Variants in DOCK8 observed in about 807,000 individuals in gnomAD.
DOCK8 encodes dedicator of cytokinesis 8, also known as dedicator of cytokinesis protein 8.
A neutral mutation model predicts 245.6 loss-of-function variants in DOCK8; 141 were observed. That is an observed-to-expected ratio of 0.57 (90% confidence interval 0.50 to 0.66). DOCK8 has a LOEUF of 0.66. DOCK8 is among the 30% of genes least tolerant of loss of function. DOCK8 has a pLI of 0.00. For missense variants in DOCK8, 2,965 were observed against 2,603.4 expected (o/e 1.14, Z -3.02); for synonymous variants, 1,168 against 970.2 (o/e 1.20, Z -3.79).
intron 40 of DOCK8, among the ~76,000 whole-genome samples, chr9:439,766 AG>A (rs2057027794): frequency 6.6e-6 from 1 of 152,058 alleles, no homozygotes; most frequent in Admixed American, 6.6e-5. Flanking sequence ...CCTCTCAGAG[AG>A]AAAAAAATTA....
chr9:286,813 GT>G (rs1228486739), intron 3 of DOCK8, among the ~76,000 whole-genome samples, 177 bp downstream of exon 3: 1 of 152,150 alleles, frequency 6.6e-6, no homozygotes, highest in Non-Finnish European at 1.5e-5. Flanking sequence ...TTTTAAATTA[GT>G]TTGGCCAGAG....
chr9:279,033 G>A (rs529470125), intron 2 of DOCK8, among the ~76,000 whole-genome samples: 2 of 152,292 alleles, frequency 1.3e-5, no homozygotes, highest in South Asian at 4.1e-4. Context: ...CGAGGGTGGT[G>A]GCAGAAGAGA....
chr9:215,343 GA>G (rs766210437), intron 1 of DOCK8: 5 of 1,602,738 alleles, frequency 3.1e-6, no homozygotes, highest in Admixed American at 1.7e-5. Context: ...CCGGGTCCCA[GA>G]AGGGTGATAG....
chr9:400,832 A>G (rs1035296687), intron 26 of DOCK8, among the ~76,000 whole-genome samples: 1 of 62,744 alleles, frequency 1.6e-5, no homozygotes, highest in Non-Finnish European at 2.7e-5. Context: ...CACCATCACC[A>G]TCACCACCAC....
At position 304,688 on chromosome 9, in the gene DOCK8, G is replaced by C; in HGVS notation, c.512G>C (p.Ser171Thr). The C allele has an allele frequency of 6.2e-7, 1 of 1,614,170 alleles. No homozygotes were observed. The highest frequency in any genetic ancestry group is 2.2e-5 in the East Asian group (1 of 44,874). ...TTTGAGTCGGAAACCTTGGAGTGCA[G>C]TGAACCCGCTGCTCAGGTATTTCCT... ...QTFESETLEC[S>T]EPAAQAGPRH... Residue 171 changes from serine (S) to threonine (T), a missense_variant, in exon 5 of 48, where the codon AGT (serine) becomes ACT (threonine). Physicochemically the swap from Ser to Thr is moderately conservative, Grantham distance 58 (BLOSUM62 1). Around this residue, in one of 3 missense-constraint regions of DOCK8, gnomAD observed 2,825 missense variants for 2,453.5 expected, o/e 1.15. Coordinates refer to ENST00000432829, the MANE Select transcript of DOCK8 (RefSeq NM_203447.4).
chr9:308,170 T>A (rs929408725), intron 5 of DOCK8, among the ~76,000 whole-genome samples: 27 of 152,330 alleles, frequency 1.8e-4, no homozygotes, highest in African/African-American at 6.3e-4. Flanking sequence ...AATAATAATT[T>A]ATTCTGTGTT....
chr9:276,805 CATTT>C (rs541660345), intron 2 of DOCK8, among the ~76,000 whole-genome samples: 3 of 152,028 alleles, frequency 2.0e-5, no homozygotes, highest in Admixed American at 1.3e-4. Flanking sequence ...ATTGTCTTTT[CATTT>C]ATTTATTTAT....
At chr9:386,555 C>A in intron 23 of DOCK8, 129 bp downstream of exon 23, 1 of 764,668 alleles carries the variant, frequency 1.3e-6, no homozygotes, top group Non-Finnish European at 2.2e-6. Context: ...CACACACACA[C>A]CCCACACACA....
At position 230,493 on chromosome 9, in the gene DOCK8, T is replaced by C. The variant is rs188665629; in HGVS notation, c.53+15464T>C. Among the ~76,000 whole-genome samples, 357 of 152,216 alleles carry C rather than the reference T, an allele frequency of 2.3e-3. 1 individual carries two copies. Among genetic ancestry groups the C allele is most frequent in the Non-Finnish European group, 3.5e-3 (237 of 68,008 alleles). ...ATCGCCACACTGACTTCCACAATGG[T>C]TGAATTAGTTTACAGTCCCACCAAC... On this transcript the variant is annotated intron_variant, in intron 1 of 47. Transcript: ENST00000432829.
At position 457,309 on chromosome 9, in the gene DOCK8, C is replaced by T. The variant is rs564369109; in HGVS notation, c.6068+5192C>T. 7.2e-5 allele frequency among the ~76,000 whole-genome samples: 11 copies of T among 152,296 alleles called. No homozygotes were observed. The South Asian group carries it at 1.7e-3, about 23-fold the overall frequency. On this transcript the variant is annotated intron_variant, in intron 46 of 47. Coordinates refer to ENST00000432829, the MANE Select transcript of DOCK8 (RefSeq NM_203447.4). ...GTGACCCTGAGAAGTTACCTACCCT[C>T]GGTTTCCCCAGATGTAAAATCGGAA... is the stretch of plus-strand genomic sequence containing the variant.
chr9:416,882 G>A (rs962595095), intron 29 of DOCK8, among the ~76,000 whole-genome samples: 2 of 152,228 alleles, frequency 1.3e-5, no homozygotes, highest in Non-Finnish European at 2.9e-5. Context: ...CAATTAAGGG[G>A]AAATAAGAAT....
intron 26 of DOCK8, among the ~76,000 whole-genome samples, chr9:400,599 CCAT>C (rs1448459673): frequency 1.0e-4 from 9 of 87,478 alleles, no homozygotes; most frequent in Admixed American, 2.3e-4. Flanking sequence ...ACCACCTCCA[CCAT>C]CACCACCACC....
In DOCK8 at chr9:434,662, T is replaced by C. The variant is rs547330574; in HGVS notation, c.4887-121T>C. The C allele has an allele frequency of 6.4e-4, 631 of 985,246 alleles. 1 individual carries two copies. Among genetic ancestry groups the C allele is most frequent in the Non-Finnish European group, 8.6e-4 (556 of 644,566 alleles). 61.0% of individuals were successfully genotyped at this position (985,246 alleles called of 1,614,324 possible). ...CGTTTTCTGGAAATATAGGGCAAAA[T>C]CTCAGGTGGAGGGGTACAGGGAACT... is the stretch of plus-strand genomic sequence containing the variant. On this transcript the variant is annotated intron_variant, in intron 38 of 47. Coordinates refer to ENST00000432829, the MANE Select transcript of DOCK8 (RefSeq NM_203447.4).
At chr9:377,640 CT>C (rs1195019495) in intron 20 of DOCK8, among the ~76,000 whole-genome samples, 1 of 152,178 alleles carries the variant, frequency 6.6e-6, no homozygotes, top group African/African-American at 2.4e-5. Flanking sequence ...AAAACATAAA[CT>C]CACTATTTTA....
intron 14 of DOCK8, among the ~76,000 whole-genome samples, chr9:360,160 A>T (rs2052653107): frequency 6.6e-6 from 1 of 151,986 alleles, no homozygotes. Context: ...TACTAAAAAT[A>T]CAAAAATTAG....
intron 5 of DOCK8, among the ~76,000 whole-genome samples, chr9:311,115 A>C (rs1368705194): frequency 1.3e-5 from 2 of 151,978 alleles, no homozygotes; most frequent in Non-Finnish European, 2.9e-5. Context: ...GTGAAACCCT[A>C]TCTCTACTAA....
chr9:340,138 A>G, intron 13 of DOCK8, 21 bp from the exon 14 acceptor site: 4 of 1,613,062 alleles, frequency 2.5e-6, no homozygotes, highest in Non-Finnish European at 3.4e-6. Flanking sequence ...TTACTAGAAC[A>G]TTCCTATTTT....
At chr9:215,294 C>A in intron 1 of DOCK8, 1 of 1,607,620 alleles carries the variant, frequency 6.2e-7, no homozygotes, top group Non-Finnish European at 8.5e-7. Flanking sequence ...CTTCCCCGAA[C>A]AACCTCGCCC....
At chr9:243,347 A>C (rs939406009) in intron 1 of DOCK8, among the ~76,000 whole-genome samples, 1 of 152,172 alleles carries the variant, frequency 6.6e-6, no homozygotes, top group Non-Finnish European at 1.5e-5. Context: ...ATCGCACTGC[A>C]AACAGAACAC....
Sources: gnomAD v4.1 joint callset for allele counts (sites outside exome capture counted in the v4.1 genomes callset) on GRCh38, gnomAD v4.1.1 for gene constraint, gnomAD v4.1.1 regional missense constraint, MANE v1.5 for transcripts, NCBI Gene and HGNC (gene_info 2026-07-23, HGNC 2026-07-21) for gene names.